Variants in MAPK10 observed in about 807,000 individuals in gnomAD.
MAPK10 encodes mitogen-activated protein kinase 10.
Under a neutral mutation model 59.3 loss-of-function variants are expected in MAPK10, and 25 were observed. The observed-to-expected ratio is 0.42, with a 90% CI of 0.31 to 0.59. The LOEUF is 0.59. Ranked by LOEUF, MAPK10 falls within the 20% of genes least tolerant of loss-of-function variation. MAPK10 has a pLI of 0.15. For synonymous variants in MAPK10, 190 were observed against 200.5 expected, an observed-to-expected ratio of 0.95 and a Z score of 0.44; for missense variants, 351 against 568.9, an observed-to-expected ratio of 0.62 and a Z score of 3.90.
intron 3 of MAPK10, among the ~76,000 whole-genome samples, chr4:86,188,539 T>A (rs766797783): frequency 7.9e-5 from 12 of 152,234 alleles, no homozygotes; most frequent in Non-Finnish European, 1.8e-4. Context: ...TCTGCATAAA[T>A]GTCTTCTTTT....
chr4:86,256,741 T>C (rs796247845), intron 2 of MAPK10, among the ~76,000 whole-genome samples: 3,291 of 132,150 alleles, frequency 0.025, 79 homozygotes, highest in African/African-American at 0.029. Flanking sequence ...TTTCTTTTTT[T>C]TTTTTTTTTT....
chr4:86,057,605 T>C lies in MAPK10; in HGVS notation c.1110+6661A>G, dbSNP rs182216033. Among the ~76,000 whole-genome samples the C allele has an allele frequency of 1.1e-4, 17 of 150,270 alleles. No individual in the cohort carries two copies. The East Asian group carries it at 3.3e-3, about 29-fold the overall frequency. On this transcript the variant is annotated intron_variant, in intron 11 of 13. Coordinates refer to ENST00000641462, the MANE Select transcript of MAPK10 (RefSeq NM_138982.4). ...AATAAAAGCAGGGACCTGTTTTTTT[T>C]TCATTTTTTGTTTAAAAATTCAATG...
At chr4:86,411,358 C>A (rs1745148349) in intron 1 of MAPK10, among the ~76,000 whole-genome samples, 1 of 152,148 alleles carries the variant, frequency 6.6e-6, no homozygotes, top group Non-Finnish European at 1.5e-5. Context: ...CAATGTGGTG[C>A]TGAGAAGAAT....
intron 1 of MAPK10, among the ~76,000 whole-genome samples, chr4:86,476,155 C>G (rs1424948355): frequency 6.6e-6 from 1 of 152,100 alleles, no homozygotes; most frequent in Non-Finnish European, 1.5e-5. Flanking sequence ...CCACCTGTCC[C>G]CTCAGTCCCA....
At chr4:86,527,184 C>T (rs750018336) in intron 1 of MAPK10, among the ~76,000 whole-genome samples, 9 of 151,550 alleles carry the variant, frequency 5.9e-5, no homozygotes, top group Non-Finnish European at 1.0e-4. Flanking sequence ...CATTGTGGCA[C>T]AACTGTGGTC....
rs559373409 is a variant in MAPK10, at chr4:86,250,608, T to C, written c.-6-56201A>G. On this transcript the variant is annotated intron_variant, in intron 2 of 13. Coordinates refer to ENST00000641462, the MANE Select transcript of MAPK10 (RefSeq NM_138982.4). ...AATTTAATTAAATTACATCTCAATTTCATAGAGGAGTCATCTAGCATTCCC... is the reference window on the plus strand; with the variant it reads ...AATTTAATTAAATTACATCTCAATTCCATAGAGGAGTCATCTAGCATTCCC... 4.5e-4 allele frequency among the ~76,000 whole-genome samples: 69 copies of C among 152,220 alleles called. No individual in the cohort carries two copies. In the Middle Eastern group the frequency reaches 0.02, roughly 45 times the overall value.
intron 9 of MAPK10, among the ~76,000 whole-genome samples, chr4:86,085,125 G>T (rs990839444): frequency 1.3e-5 from 2 of 152,016 alleles, no homozygotes; most frequent in African/African-American, 4.8e-5. Context: ...TAAATATAAG[G>T]CTTCAAATTA....
intron 2 of MAPK10, among the ~76,000 whole-genome samples, chr4:86,207,271 C>G (rs1185661295): frequency 6.6e-5 from 10 of 151,628 alleles, no homozygotes; most frequent in Admixed American, 5.9e-4. Flanking sequence ...ATATGGCTAG[C>G]CAGTTTTTCC....
At chr4:86,194,814 G>T (rs979610966) in intron 2 of MAPK10, among the ~76,000 whole-genome samples, 58 of 151,448 alleles carry the variant, frequency 3.8e-4, no homozygotes, top group African/African-American at 1.2e-3. Flanking sequence ...ATTTATAATA[G>T]AATTCTATAT....
intron 2 of MAPK10, among the ~76,000 whole-genome samples, chr4:86,200,098 T>G (rs1051080941): frequency 6.6e-6 from 1 of 152,088 alleles, no homozygotes; most frequent in African/African-American, 2.4e-5. Context: ...TGATGTTATT[T>G]TATTGCGTGT....
intron 11 of MAPK10, chr4:86,044,881 C>G (rs1161987951): frequency 5.1e-6 from 2 of 395,714 alleles, no homozygotes; most frequent in Non-Finnish European, 8.9e-6. Context: ...TCAAGAGAAA[C>G]TAGTTCCAAA....
At chr4:86,381,991 A>G (rs1740785210) in intron 1 of MAPK10, among the ~76,000 whole-genome samples, 1 of 152,120 alleles carries the variant, frequency 6.6e-6, no homozygotes, top group East Asian at 1.9e-4. Flanking sequence ...GGGTTTCTCT[A>G]CAGTGGCGCT....
intron 2 of MAPK10, among the ~76,000 whole-genome samples, chr4:86,353,767 A>T (rs1435716106): frequency 6.6e-6 from 1 of 152,144 alleles, no homozygotes; most frequent in East Asian, 1.9e-4. Context: ...CTAGCTCAAA[A>T]TAGCTTCTTT....
At chr4:86,286,355 T>C (rs890737547) in intron 2 of MAPK10, among the ~76,000 whole-genome samples, 1 of 152,166 alleles carries the variant, frequency 6.6e-6, no homozygotes, top group Admixed American at 6.5e-5. Flanking sequence ...GTTATTCTCA[T>C]AGAGATTCTG....
intron 1 of MAPK10, among the ~76,000 whole-genome samples, chr4:86,509,920 T>A (rs1462424735): frequency 6.6e-6 from 1 of 152,222 alleles, no homozygotes; most frequent in Non-Finnish European, 1.5e-5. Flanking sequence ...CATGTATATG[T>A]GTTTATGTGT....
intron 2 of MAPK10, among the ~76,000 whole-genome samples, chr4:86,319,148 G>A (rs2095843788): frequency 6.6e-6 from 1 of 152,114 alleles, no homozygotes; most frequent in Non-Finnish European, 1.5e-5. Context: ...GTTGGAGAAT[G>A]GAAAATCTAT....
At chr4:86,285,675 G>A (rs2094978638) in intron 2 of MAPK10, among the ~76,000 whole-genome samples, 1 of 152,124 alleles carries the variant, frequency 6.6e-6, no homozygotes, top group South Asian at 2.1e-4. Flanking sequence ...GCACTCTCCA[G>A]AGAAACAGAA....
intron 1 of MAPK10, among the ~76,000 whole-genome samples, chr4:86,432,283 G>C (rs1307210422): frequency 6.6e-6 from 1 of 152,030 alleles, no homozygotes; most frequent in East Asian, 1.9e-4. Context: ...GTTTTGTTTT[G>C]TTTTGTTTGG....
intron 2 of MAPK10, among the ~76,000 whole-genome samples, chr4:86,319,445 G>A (rs543773669): frequency 6.6e-6 from 1 of 152,276 alleles, no homozygotes; most frequent in Non-Finnish European, 1.5e-5. Context: ...TTGAATAAGG[G>A]ATGGAACTTT....
Sources: allele counts gnomAD v4.1 joint callset (sites outside exome capture counted in the v4.1 genomes callset), GRCh38; gene constraint gnomAD v4.1.1; transcripts MANE v1.5; gene names NCBI Gene and HGNC (gene_info 2026-07-23, HGNC 2026-07-21).